Variants in CBX5 observed in about 807,000 individuals in gnomAD.
CBX5 encodes the protein chromobox protein homolog 5.
A neutral mutation model predicts 20.7 loss-of-function variants in CBX5; 7 were observed. That is an observed-to-expected ratio of 0.34 (90% CI 0.19 to 0.63). The LOEUF (loss-of-function observed/expected upper bound fraction) is 0.63, where lower values mean the gene tolerates loss of function less well. Ranked by LOEUF, CBX5 falls within the 30% of genes least tolerant of loss-of-function variation. The probability of loss-of-function intolerance (pLI) is 0.75; values close to 1 mark genes in which losing one functional copy is unlikely to be tolerated. For synonymous variants in CBX5, 78 were observed against 77.0 expected, an observed-to-expected ratio of 1.01 and a Z score of -0.07; for missense variants, 110 against 224.1, an observed-to-expected ratio of 0.49 and a Z score of 3.25.
At position 54,253,941 on chromosome 12, in the gene CBX5, G is replaced by A. The variant is rs527454636; in HGVS notation, c.138-1714C>T. On this transcript the variant is annotated intron_variant, in intron 2 of 4. Coordinates refer to ENST00000209875, the MANE Select transcript of CBX5 (RefSeq NM_012117.3). ...AATTTTTGTATTTTTAGTAGAGACG[G>A]GGTTTCACCATGTTGGCCAGGCTGG... 2.0e-5 allele frequency among the ~76,000 whole-genome samples: 3 copies of A among 151,810 alleles called. No homozygotes were observed. In the East Asian group the frequency reaches 5.9e-4, roughly 30 times the overall value.
At chr12:54,274,641 G>A (rs1490786801) in intron 1 of CBX5, among the ~76,000 whole-genome samples, 1 of 152,084 alleles carries the variant, frequency 6.6e-6, no homozygotes, top group African/African-American at 2.4e-5. Flanking sequence ...ATGCTATGTG[G>A]TTAAAGACCT....
chr12:54,241,776 CTCTT>C lies in CBX5; in HGVS notation c.551_554del (p.Lys184ArgfsTer116). 6.2e-7 allele frequency: 1 copy of C among 1,612,330 alleles called. No homozygotes were observed. The highest frequency in any genetic ancestry group is 8.5e-7 in the Non-Finnish European group (1 of 1,179,688). ...TCCTTTAGCTCTTTGCTGTTTCTTT[CTCTT>C]TGTTTTCCGCATCCTCAGGATATGC... On this transcript the variant is annotated frameshift_variant, in exon 5 of 5. Transcript: ENST00000209875. LOFTEE classifies it high-confidence loss of function.
At chr12:54,252,301 T>C (rs1192247526) in intron 2 of CBX5, 74 bp from the exon 3 acceptor site, 19 of 1,037,318 alleles carry the variant, frequency 1.8e-5, no homozygotes, top group Admixed American at 5.9e-5. Flanking sequence ...CAATGCCTTA[T>C]TTCAAAGAGG....
At chr12:54,264,046 T>TA (rs570449528) in intron 1 of CBX5, among the ~76,000 whole-genome samples, 2 of 152,100 alleles carry the variant, frequency 1.3e-5, no homozygotes, top group Non-Finnish European at 2.9e-5. Context: ...CCGTCTCAAA[T>TA]AAAAAAGAGG....
intron 2 of CBX5, among the ~76,000 whole-genome samples, chr12:54,255,367 G>A (rs1943852595): frequency 6.6e-6 from 1 of 152,074 alleles, no homozygotes; most frequent in African/African-American, 2.4e-5. Context: ...AGACCAGCCT[G>A]GCCAACATGG....
Position 54,246,108 on chromosome 12 carries a change from C to T in CBX5, c.425+7G>A. The T allele has an allele frequency of 6.3e-7, 1 of 1,594,634 alleles. No individual in the cohort carries two copies. Among genetic ancestry groups the T allele is most frequent in the Non-Finnish European group, 8.6e-7 (1 of 1,162,366 alleles). The stretch of plus-strand genomic sequence containing the variant: ...ACAATTGTAAAGCGAAGCCAAATCT[C>T]TCTCACCATTTCATTAGGAACATTA... On this transcript the variant is annotated splice_region_variant and intron_variant, in intron 4 of 4. Transcript: ENST00000209875.
rs573041792 is a variant in CBX5, at chr12:54,235,855, G to A, written c.*5900C>T. On this transcript the variant is annotated 3_prime_UTR_variant, in exon 5 of 5. Coordinates refer to ENST00000209875, the MANE Select transcript of CBX5 (RefSeq NM_012117.3). ...TGTCCATGAGGAATATGTTGTTATA[G>A]AACCCACAATAATGTAACACAACTG... The A allele has an allele frequency of 1.4e-4, 22 of 152,244 alleles. 1 individual carries two copies. In the East Asian group the frequency reaches 3.3e-3, roughly 23 times the overall value. The allele number at this position is 152,244 out of a possible 1,614,324, so 9.4% of individuals were successfully genotyped here.
intron 1 of CBX5, chr12:54,257,972 T>C (rs1943878965): frequency 4.3e-6 from 1 of 230,034 alleles, no homozygotes; most frequent in Non-Finnish European, 8.4e-6. Flanking sequence ...TAGTGTGGTA[T>C]GTTATTCCTG....
intron 3 of CBX5, among the ~76,000 whole-genome samples, chr12:54,250,184 T>C (rs545778551): frequency 9.9e-5 from 15 of 151,958 alleles, no homozygotes; most frequent in African/African-American, 3.1e-4. Context: ...GATCATGCCA[T>C]TGAACTCCAG....
rs1403203522 is a variant in CBX5 at position 54,257,500 on chromosome 12, A to G, written c.137+14T>C. ...CTACAGAGTCCCAACGCCTGGGGGA[A>G]AAAAGGAACTTACTCAGAAAAGCCT... On this transcript the variant is annotated intron_variant, in intron 2 of 4. Transcript: ENST00000209875. 8.1e-6 allele frequency: 13 copies of G among 1,613,940 alleles called. No homozygotes were observed. The highest frequency in any genetic ancestry group is 1.3e-5 in the African/African-American group (1 of 74,916).
At position 54,257,496 on chromosome 12, in the gene CBX5, G is replaced by C. The variant is rs775841346; in HGVS notation, c.137+18C>G. On this transcript the variant is annotated intron_variant, in intron 2 of 4. Transcript: ENST00000209875. ...ATCTCTACAGAGTCCCAACGCCTGG[G>C]GGAAAAAAGGAACTTACTCAGAAAA... 2.5e-6 allele frequency: 4 copies of C among 1,613,592 alleles called. No homozygotes were observed. In the African/African-American group the frequency reaches 5.3e-5, roughly 22 times the overall value.
At chr12:54,260,013 C>T (rs1943900653) in intron 1 of CBX5, among the ~76,000 whole-genome samples, 1 of 151,916 alleles carries the variant, frequency 6.6e-6, no homozygotes, top group Non-Finnish European at 1.5e-5. Flanking sequence ...CCGTCTGTCA[C>T]AGAACAGTTA....
At chr12:54,270,940 C>T (rs752835586) in intron 1 of CBX5, among the ~76,000 whole-genome samples, 40 of 152,176 alleles carry the variant, frequency 2.6e-4, no homozygotes, top group Non-Finnish European at 4.4e-4. Context: ...TGCCAGTGGT[C>T]CCAGCTTTTC....
chr12:54,256,965 G>A (rs762412584), intron 2 of CBX5, among the ~76,000 whole-genome samples: 3 of 152,152 alleles, frequency 2.0e-5, no homozygotes, highest in Non-Finnish European at 4.4e-5. Context: ...CTAGGTTCAA[G>A]TGATTCTCCT....
At position 54,231,584 on chromosome 12, in the gene CBX5, T is replaced by C. The variant is rs903076572; in HGVS notation, c.*10171A>G. The C allele has an allele frequency of 6.5e-6, 1 of 153,386 alleles. No individual in the cohort carries two copies. The highest frequency in any genetic ancestry group is 1.5e-5 in the Non-Finnish European group (1 of 68,068). The allele number at this position is 153,386 out of a possible 1,614,324, so 9.5% of individuals were successfully genotyped here. A position where few individuals can be genotyped will look rare whatever the true frequency, so the allele number is the denominator to read the frequency against. On this transcript the variant is annotated 3_prime_UTR_variant, in exon 5 of 5. Coordinates refer to ENST00000209875, the MANE Select transcript of CBX5 (RefSeq NM_012117.3). ...AGAGGGAAAGCAGAAAGAGCCCTATTGGGAAGAGGAGCTGGCTGCGCCCCT... is the reference window on the plus strand; with the variant it reads ...AGAGGGAAAGCAGAAAGAGCCCTATCGGGAAGAGGAGCTGGCTGCGCCCCT...
rs777794847 is a variant in CBX5, at chr12:54,252,071, G to A, written c.294C>T (p.Ala98=). 17 of 1,607,432 alleles carry A rather than the reference G, an allele frequency of 1.1e-5. No individual in the cohort carries two copies. The East Asian group carries it at 2.2e-4, about 21-fold the overall frequency. Residue 98 remains alanine, a synonymous_variant, in exon 3 of 5, where the codon GCC becomes GCT. Transcript: ENST00000209875. ...NKRKSNFSNS[A]DDIKSKKKRE... is the part of the protein sequence containing the mutation. ...TCTTTTTTTTAGATTTGATGTCATC[G>A]GCACTGTTTGAGAAATTGGATTTCC...
At chr12:54,262,408 C>T (rs980271439) in intron 1 of CBX5, among the ~76,000 whole-genome samples, 3 of 152,194 alleles carry the variant, frequency 2.0e-5, no homozygotes, top group African/African-American at 7.2e-5. Flanking sequence ...AGGTCCTTTT[C>T]TTTTTGGGAA....
At position 54,241,143 on chromosome 12, in the gene CBX5, A is replaced by C. The variant is rs1010110626; in HGVS notation, c.*612T>G. The C allele has an allele frequency of 1.3e-5, 2 of 152,174 alleles. No homozygotes were observed. Among genetic ancestry groups the C allele is most frequent in the African/African-American group, 4.8e-5 (2 of 41,428 alleles). The allele number at this position is 152,174 out of a possible 1,614,324, so 9.4% of individuals were successfully genotyped here. A position where few individuals can be genotyped will look rare whatever the true frequency, so the allele number is the denominator to read the frequency against. On this transcript the variant is annotated 3_prime_UTR_variant, in exon 5 of 5. Coordinates refer to ENST00000209875, the MANE Select transcript of CBX5 (RefSeq NM_012117.3). The stretch of plus-strand genomic sequence containing the variant: ...AAATTTCAAATCTTCCAAAGGATGG[A>C]GTAATTCTGGGAGGATGAGTGAGGA...
At chr12:54,266,384 C>T (rs1424647440) in intron 1 of CBX5, among the ~76,000 whole-genome samples, 5 of 151,702 alleles carry the variant, frequency 3.3e-5, no homozygotes, top group South Asian at 4.2e-4. Context: ...GGCGACAGAG[C>T]GAGACTTCAT....
Sources: allele counts gnomAD v4.1 joint callset (sites outside exome capture counted in the v4.1 genomes callset), GRCh38; gene constraint gnomAD v4.1.1; transcripts MANE v1.5; gene names NCBI Gene and HGNC (gene_info 2026-07-23, HGNC 2026-07-21).